PTPRN2: variants seen among roughly 807,000 people sequenced by gnomAD.
The protein encoded by PTPRN2 is receptor-type tyrosine-protein phosphatase N2.
Under a neutral mutation model 118.8 loss-of-function variants are expected in PTPRN2, and 74 were observed. The ratio of observed to expected loss-of-function variants is 0.62; its 90% confidence interval spans 0.52 to 0.76. The LOEUF is 0.76. PTPRN2 is among the 30% of genes least tolerant of loss of function. The pLI is 0.00. For synonymous variants in PTPRN2, 641 were observed against 608.0 expected (o/e 1.05, Z -0.80); for missense variants, 1,481 against 1,394.4 (o/e 1.06, Z -0.99).
intron 12 of PTPRN2, among the ~76,000 whole-genome samples, chr7:157,880,132 C>T (rs758957346): frequency 4.6e-5 from 7 of 152,118 alleles, no homozygotes; most frequent in African/African-American, 7.2e-5. Flanking sequence ...TAATCTAAGA[C>T]GGACTGGAAA....
intron 14 of PTPRN2, among the ~76,000 whole-genome samples, chr7:157,646,392 T>A (rs1805076586): frequency 6.6e-6 from 1 of 152,118 alleles, no homozygotes; most frequent in South Asian, 2.1e-4. Flanking sequence ...ACGTCTTGGC[T>A]CCCCTTTGCC....
chr7:157,822,672 T>C (rs1806924472), intron 12 of PTPRN2, among the ~76,000 whole-genome samples: 1 of 151,940 alleles, frequency 6.6e-6, no homozygotes, highest in Admixed American at 6.6e-5. Flanking sequence ...CATGCATCCA[T>C]CTACACACTA....
intron 2 of PTPRN2, among the ~76,000 whole-genome samples, chr7:158,322,882 G>T (rs1803154418): frequency 2.0e-5 from 3 of 152,238 alleles, no homozygotes; most frequent in Admixed American, 6.5e-5. Context: ...GCCCATGGCG[G>T]GTAAACAGAG....
At chr7:157,976,956 C>T (rs907603998) in intron 11 of PTPRN2, among the ~76,000 whole-genome samples, 2 of 151,628 alleles carry the variant, frequency 1.3e-5, no homozygotes, top group Non-Finnish European at 2.9e-5. Flanking sequence ...AGTTTATTAA[C>T]AAAGATAGCT....
At chr7:158,151,032 A>C (rs937520536) in intron 6 of PTPRN2, among the ~76,000 whole-genome samples, 2 of 143,084 alleles carry the variant, frequency 1.4e-5, no homozygotes, top group Non-Finnish European at 3.0e-5. Context: ...AGGCCCTGTC[A>C]CTGTCCTGCC....
intron 17 of PTPRN2, among the ~76,000 whole-genome samples, chr7:157,594,508 T>A (rs977331849): frequency 5.9e-5 from 9 of 152,194 alleles, no homozygotes; most frequent in South Asian, 2.1e-4. Flanking sequence ...GGGTGACGCG[T>A]CGCTTCCCAC....
rs1027882744 is a variant in PTPRN2 at position 157,874,972 on chromosome 7, GAC to G, written c.1788+23699_1788+23700del. Reference sequence around the variant, plus strand: ...AGACACACTTGTGCACATACACAGAGACACAGGCACACACAGGCAGACGCAAA... The same window carrying G: ...AGACACACTTGTGCACATACACAGAGACAGGCACACACAGGCAGACGCAAA... On this transcript the variant is annotated intron_variant, in intron 12 of 22. Transcript: ENST00000389418. The surrounding 1 kb of genome is among the most constrained non-coding windows in gnomAD (Gnocchi z 5.8). Among the ~76,000 whole-genome samples the G allele has an allele frequency of 4.0e-5, 6 of 151,612 alleles. No homozygotes were observed. Among genetic ancestry groups the G allele is most frequent in the Non-Finnish European group, 8.8e-5 (6 of 67,938 alleles).
At chr7:158,241,172 C>T (rs140113193) in intron 3 of PTPRN2, among the ~76,000 whole-genome samples, 8 of 152,328 alleles carry the variant, frequency 5.3e-5, no homozygotes, top group East Asian at 1.9e-4. Flanking sequence ...TTCTCCAGTT[C>T]GGCTATAGTT....
At chr7:158,191,490 A>G (rs6976575) in intron 5 of PTPRN2, among the ~76,000 whole-genome samples, 54,972 of 152,032 alleles carry the variant, frequency 0.36, 10,443 homozygotes, top group African/African-American at 0.48. Flanking sequence ...GGAAGCTGGC[A>G]GGGCTGGGCT....
Position 158,136,709 on chromosome 7 carries a change from C to G in PTPRN2, c.1133-14G>C, listed in dbSNP as rs752679391. The G allele has an allele frequency of 1.2e-6, 2 of 1,613,354 alleles. No individual in the cohort carries two copies. Among genetic ancestry groups the G allele is most frequent in the Non-Finnish European group, 1.7e-6 (2 of 1,179,442 alleles). ...GCACTCCGTCATCTGTAAAAGACAC[C>G]AGTGTTACCAAGACCCTCATCAAGA... On this transcript the variant is annotated splice_polypyrimidine_tract_variant and intron_variant, in intron 7 of 22. Coordinates refer to ENST00000389418, the MANE Select transcript of PTPRN2 (RefSeq NM_002847.5).
chr7:158,270,824 C>CCACCTGGATGACCCCCT (rs1406256186), intron 3 of PTPRN2, among the ~76,000 whole-genome samples: 1 of 7,962 alleles, frequency 1.3e-4, no homozygotes, highest in Non-Finnish European at 2.5e-4. Flanking sequence ...ACCGCCCCCT[C>CCACCTGGATGACCCCCT]CACCTGGATG....
In PTPRN2 at chr7:158,327,387, ACACACATGCT is replaced by A. The variant is rs565221023; in HGVS notation, c.164-10465_164-10456del. Among the ~76,000 whole-genome samples, 129 of 150,738 alleles carry A rather than the reference ACACACATGCT, an allele frequency of 8.6e-4. 1 individual carries two copies. Among genetic ancestry groups the A allele is most frequent in the African/African-American group, 1.9e-3 (79 of 41,068 alleles). ...TTGTCACACACACATTATCACATGC[ACACACATGCT>A]CACACATGCTCACACATGTACACGT... On this transcript the variant is annotated intron_variant, in intron 2 of 22. Transcript: ENST00000389418.
rs150928286 is a variant in PTPRN2 at position 157,719,706 on chromosome 7, G to A, written c.1789-36769C>T. On this transcript the variant is annotated intron_variant, in intron 12 of 22. Coordinates refer to ENST00000389418, the MANE Select transcript of PTPRN2 (RefSeq NM_002847.5). ...TGCCGGGGGAGTGGGCTCGGCCCGC[G>A]GGACAAGGCTGAAAGAGCTCCCCAG... 4.7e-3 allele frequency among the ~76,000 whole-genome samples: 723 copies of A among 152,292 alleles called. 2 individuals are homozygous for A. The highest frequency in any genetic ancestry group is 0.012 in the South Asian group (60 of 4,814).
chr7:158,439,479 AAG>A (rs1005481046), intron 2 of PTPRN2, among the ~76,000 whole-genome samples: 1 of 152,154 alleles, frequency 6.6e-6, no homozygotes, highest in Non-Finnish European at 1.5e-5. Flanking sequence ...AGAAGTGGGG[AAG>A]AGAGAAGAAA....
At chr7:158,350,418 T>C (rs1402265289) in intron 2 of PTPRN2, among the ~76,000 whole-genome samples, 1 of 152,138 alleles carries the variant, frequency 6.6e-6, no homozygotes, top group Non-Finnish European at 1.5e-5. Context: ...CTCAGAAGGA[T>C]GGAGAGGCTG....
At chr7:157,754,253 G>A (rs1265051419) in intron 12 of PTPRN2, among the ~76,000 whole-genome samples, 3 of 152,258 alleles carry the variant, frequency 2.0e-5, no homozygotes, top group Non-Finnish European at 4.4e-5. Flanking sequence ...AATGTGGCCT[G>A]TGCTGCTGCT....
intron 3 of PTPRN2, among the ~76,000 whole-genome samples, chr7:158,308,742 A>G (rs1295256716): frequency 6.6e-6 from 1 of 152,168 alleles, no homozygotes; most frequent in Non-Finnish European, 1.5e-5. Context: ...TTAATCTTCT[A>G]GCAAACACTA....
intron 1 of PTPRN2, among the ~76,000 whole-genome samples, chr7:158,516,839 T>C (rs757024218): frequency 1.3e-5 from 2 of 152,068 alleles, no homozygotes; most frequent in Non-Finnish European, 2.9e-5. Context: ...TTGGTGCCGT[T>C]CTTGGTGCTT....
intron 12 of PTPRN2, among the ~76,000 whole-genome samples, chr7:157,768,467 C>T (rs1487261616): frequency 6.6e-6 from 1 of 152,188 alleles, no homozygotes; most frequent in Non-Finnish European, 1.5e-5. Flanking sequence ...ACGCTGGCCT[C>T]CCGTTCCCAT....
Sources: gnomAD v4.1 joint callset for allele counts (sites outside exome capture counted in the v4.1 genomes callset) on GRCh38, gnomAD v4.1.1 for gene constraint, Gnocchi (gnomAD v3.1) non-coding constraint, MANE v1.5 for transcripts, NCBI Gene and HGNC (gene_info 2026-07-23, HGNC 2026-07-21) for gene names.